Variants in DNAH11 observed in about 807,000 individuals in gnomAD.
The protein encoded by DNAH11 is axonemal beta dynein heavy chain 11.
DNAH11 carries 442 observed loss-of-function variants against 526.0 expected under a neutral mutation model. The observed-to-expected ratio is 0.84, with a 90% CI of 0.78 to 0.91. DNAH11 has a LOEUF of 0.91. Ranked by LOEUF, DNAH11 falls within the 40% of genes least tolerant of loss-of-function variation. The pLI is 0.00. For missense variants in DNAH11, 6,989 were observed against 5,448.7 expected (o/e 1.28, Z -8.90); for synonymous variants, 2,461 against 1,935.9 (o/e 1.27, Z -7.12).
intron 75 of DNAH11, among the ~76,000 whole-genome samples, chr7:21,881,236 A>G (rs10269223): frequency 0.078 from 11,920 of 152,328 alleles, 532 homozygotes; most frequent in Middle Eastern, 0.11. Context: ...ATGTAATTAC[A>G]TACAGCAATT....
chr7:21,806,959 T>A (rs1200576999), intron 62 of DNAH11, among the ~76,000 whole-genome samples: 1 of 152,156 alleles, frequency 6.6e-6, no homozygotes, highest in Non-Finnish European at 1.5e-5. Context: ...CTCCACTGAT[T>A]TAATGATTAT....
At chr7:21,749,637 C>T (rs374072401) in intron 52 of DNAH11, 41 bp from the exon 53 acceptor site, 8 of 1,610,626 alleles carry the variant, frequency 5.0e-6, no homozygotes, top group African/African-American at 1.3e-5. Context: ...AACGCCGCAT[C>T]AGCATTTTAA....
At chr7:21,581,061 C>A (rs1335910627) in intron 8 of DNAH11, among the ~76,000 whole-genome samples, 1 of 152,162 alleles carries the variant, frequency 6.6e-6, no homozygotes, top group Non-Finnish European at 1.5e-5. Context: ...GAATTACTCA[C>A]GTGCTAACTG....
intron 14 of DNAH11, among the ~76,000 whole-genome samples, chr7:21,593,204 A>AAGG (rs1784750348): frequency 6.6e-6 from 1 of 152,202 alleles, no homozygotes; most frequent in Non-Finnish European, 1.5e-5. Context: ...AAGGGATTTC[A>AAGG]AGGAGGAGGA....
intron 70 of DNAH11, among the ~76,000 whole-genome samples, chr7:21,866,106 G>A (rs1425278180): frequency 6.6e-6 from 1 of 151,974 alleles, no homozygotes; most frequent in African/African-American, 2.4e-5. Flanking sequence ...TAACCTCCTA[G>A]GAATGCAGCC....
rs77956508 is a variant in DNAH11, at chr7:21,633,697, A to G, written c.4501-2174A>G. The stretch of plus-strand genomic sequence containing the variant: ...GCACTTGAGTAGGGAGACAAGCAAA[A>G]GGACTCCAAGGAGTCTAAGAAGAGA... On this transcript the variant is annotated intron_variant, in intron 25 of 81. Transcript: ENST00000409508. 5.6e-4 allele frequency among the ~76,000 whole-genome samples: 85 copies of G among 152,296 alleles called. 2 individuals are homozygous for G. The East Asian group carries it at 0.016, about 28-fold the overall frequency.
intron 28 of DNAH11, among the ~76,000 whole-genome samples, chr7:21,653,411 C>A (rs1015264580): frequency 6.6e-6 from 1 of 152,144 alleles, no homozygotes; most frequent in African/African-American, 2.4e-5. Flanking sequence ...AATAGGAGAA[C>A]TCTGCCTAAG....
intron 60 of DNAH11, among the ~76,000 whole-genome samples, chr7:21,788,730 C>T (rs916339673): frequency 1.3e-5 from 2 of 152,120 alleles, no homozygotes; most frequent in Non-Finnish European, 1.5e-5. Context: ...GAGAATTTTT[C>T]CACACTTATT....
chr7:21,597,134 C>A lies in DNAH11; in HGVS notation c.2668-2653C>A, dbSNP rs370430809. On this transcript the variant is annotated intron_variant, in intron 14 of 81. Transcript: ENST00000409508. ...AGGAGCAGGACCATGGAATATTGGG[C>A]CTGAGTGATCATTCAGTTATCTAAA... Among the ~76,000 whole-genome samples, 91 of 7,614 alleles carry A rather than the reference C, an allele frequency of 0.012. 2 individuals are homozygous for A. In the South Asian group the frequency reaches 0.16, roughly 13 times the overall value. The allele number at this position is 7,614 out of a possible 152,430, so 5.0% of individuals were successfully genotyped here.
chr7:21,611,871 A>G (rs1338876762), intron 20 of DNAH11, among the ~76,000 whole-genome samples: 1 of 152,200 alleles, frequency 6.6e-6, no homozygotes, highest in South Asian at 2.1e-4. Context: ...ACATAACTCT[A>G]GTTATTTATA....
intron 8 of DNAH11, 86 bp from the exon 9 acceptor site, chr7:21,581,819 G>A: frequency 1.2e-6 from 1 of 801,448 alleles, no homozygotes; most frequent in African/African-American, 1.7e-5. Flanking sequence ...GCGAGAGAGA[G>A]CTAAAGTAAG....
intron 35 of DNAH11, among the ~76,000 whole-genome samples, chr7:21,697,061 T>C (rs561957991): frequency 2.0e-5 from 3 of 152,246 alleles, no homozygotes; most frequent in African/African-American, 7.2e-5. Context: ...CAAAGATACT[T>C]TAAGGTTAGA....
In DNAH11 at chr7:21,777,193, G is replaced by T. The variant is rs573920867; in HGVS notation, c.9337-1765G>T. On this transcript the variant is annotated intron_variant, in intron 56 of 81. Coordinates refer to ENST00000409508, the MANE Select transcript of DNAH11 (RefSeq NM_001277115.2). ...ATGCTATACAAATATGTAACCATTGGGTATTGGTTTTCTTCATTCAGCATA... is the reference window on the plus strand; with the variant it reads ...ATGCTATACAAATATGTAACCATTGTGTATTGGTTTTCTTCATTCAGCATA... Among the ~76,000 whole-genome samples, 249 of 152,038 alleles carry T rather than the reference G, an allele frequency of 1.6e-3. 4 individuals are homozygous for T. In the South Asian group the frequency reaches 0.021, roughly 13 times the overall value.
chr7:21,559,135 G>A (rs56130071), intron 3 of DNAH11, 137 bp downstream of exon 3: 1 of 643,728 alleles, frequency 1.6e-6, no homozygotes, highest in South Asian at 2.4e-5. Flanking sequence ...ACTAGCCTGG[G>A]CAGCATAGTG....
chr7:21,726,454 C>CT (rs1785108888), intron 45 of DNAH11, among the ~76,000 whole-genome samples: 3 of 150,142 alleles, frequency 2.0e-5, no homozygotes, highest in South Asian at 4.3e-4. Flanking sequence ...GATGTGATCC[C>CT]TTTTTAAAAA....
chr7:21,675,794 G>A (rs982766579), intron 30 of DNAH11, among the ~76,000 whole-genome samples: 8 of 152,236 alleles, frequency 5.3e-5, no homozygotes, highest in East Asian at 3.9e-4. Flanking sequence ...TTAGAGTTTA[G>A]GGTGGAGGAG....
At chr7:21,623,496 C>G (rs1259883114) in intron 25 of DNAH11, among the ~76,000 whole-genome samples, 1 of 152,144 alleles carries the variant, frequency 6.6e-6, no homozygotes, top group Non-Finnish European at 1.5e-5. Context: ...AATCATGCTG[C>G]TATAAAGACA....
chr7:21,842,111 A>G (rs549008598), intron 65 of DNAH11, among the ~76,000 whole-genome samples: 26 of 152,336 alleles, frequency 1.7e-4, no homozygotes, highest in South Asian at 1.7e-3. Context: ...GTGACCAGGA[A>G]CATGCCATAG....
At chr7:21,565,632 A>AG (rs1783636956) in intron 6 of DNAH11, among the ~76,000 whole-genome samples, 2 of 152,170 alleles carry the variant, frequency 1.3e-5, no homozygotes, top group Non-Finnish European at 2.9e-5. Flanking sequence ...ACCTAGACCA[A>AG]CCTGGATTGA....
Sources: gnomAD v4.1 joint callset for allele counts (sites outside exome capture counted in the v4.1 genomes callset) on GRCh38, gnomAD v4.1.1 for gene constraint, MANE v1.5 for transcripts, NCBI Gene and HGNC (gene_info 2026-07-23, HGNC 2026-07-21) for gene names.